Variants in CFAP47 observed in about 807,000 individuals in gnomAD.
CFAP47 encodes the protein cilia- and flagella-associated protein 47.
In CFAP47, 29 loss-of-function variants were observed where a neutral mutation model predicts 148.1. The ratio of observed to expected loss-of-function variants is 0.20; its 90% CI spans 0.15 to 0.27. CFAP47 has a LOEUF of 0.27. Among genes scored for constraint, CFAP47 ranks in the 10% least tolerant of loss-of-function variants. The probability of loss-of-function intolerance (pLI) is 1.00; values close to 1 mark genes in which losing one functional copy is unlikely to be tolerated. For missense variants in CFAP47, 1,872 were observed against 1,697.5 expected, an observed-to-expected ratio of 1.10 and a Z score of -1.81; for synonymous variants, 664 against 577.3, an observed-to-expected ratio of 1.15 and a Z score of -2.15.
intron 60 of CFAP47, among the ~76,000 whole-genome samples, chrX:36,356,548 A>G (rs1391474650): frequency 9.0e-6 from 1 of 110,978 alleles, no homozygotes; most frequent in Non-Finnish European, 1.9e-5. Flanking sequence ...CAAAATCTGT[A>G]ATTCTCTCTG....
intron 57 of CFAP47, among the ~76,000 whole-genome samples, chrX:36,340,657 G>A (rs782510470): frequency 7.1e-4 from 79 of 111,415 alleles, no homozygotes; most frequent in African/African-American, 2.5e-3. Flanking sequence ...ACTCTTTAAA[G>A]GCCTAACCTC....
chrX:36,226,857 G>A (rs1940275895), intron 45 of CFAP47, among the ~76,000 whole-genome samples: 1 of 111,566 alleles, frequency 9.0e-6, no homozygotes, highest in Non-Finnish European at 1.9e-5. Context: ...GCATTAAATA[G>A]CAAGAGGTTT....
intron 48 of CFAP47, among the ~76,000 whole-genome samples, chrX:36,242,471 T>A (rs1940557798): frequency 9.0e-6 from 1 of 111,622 alleles, no homozygotes; most frequent in African/African-American, 3.3e-5. Context: ...AAATAACCAT[T>A]TTAAGAAAAA....
At position 36,115,340 on chromosome X, in the gene CFAP47, G is replaced by T. The variant is rs1253644693; in HGVS notation, c.5320+10649G>T. Among the ~76,000 whole-genome samples, 3 of 111,637 alleles carry T rather than the reference G, an allele frequency of 2.7e-5. No homozygotes were observed. The East Asian group carries it at 8.5e-4, about 32-fold the overall frequency. On this transcript the variant is annotated intron_variant, in intron 33 of 63. Transcript: ENST00000378653. Reference sequence around the variant, plus strand: ...TATTTACTAAGTGGTTCTATGGTAAGCTCTTTACTCATATTATTTATCACA... The same window carrying T: ...TATTTACTAAGTGGTTCTATGGTAATCTCTTTACTCATATTATTTATCACA...
intron 57 of CFAP47, among the ~76,000 whole-genome samples, chrX:36,331,256 A>G (rs782142114): frequency 1.7e-4 from 19 of 110,930 alleles, no homozygotes; most frequent in Non-Finnish European, 2.5e-4. Context: ...TATTCACTTG[A>G]CTATTTTTTT....
intron 58 of CFAP47, among the ~76,000 whole-genome samples, chrX:36,349,261 T>A (rs1216532302): frequency 2.7e-5 from 3 of 111,692 alleles, no homozygotes; most frequent in Admixed American, 9.6e-5. Context: ...TAAATTTTTT[T>A]AATTAATTGA....
At chrX:36,107,729 C>CT (rs985926033) in intron 33 of CFAP47, among the ~76,000 whole-genome samples, 2 of 111,394 alleles carry the variant, frequency 1.8e-5, no homozygotes, top group African/African-American at 6.5e-5. Context: ...TCATCTTATA[C>CT]ATTCTCTCTT....
In CFAP47 at chrX:36,379,482, G is replaced by A; in HGVS notation, c.9318G>A (p.Met3106Ile). The part of the protein sequence containing the change: ...TLITVGFKPK[M>I]YCRKYKATLV... ...TCACTGTAGGATTTAAACCTAAAAT[G>A]TACTGTAGGAAATATAAAGCAACAT... Residue 3106 changes from methionine to isoleucine, a missense_variant, in exon 63 of 64, where the codon ATG becomes ATA. Transcript: ENST00000378653. 8.6e-7 allele frequency: 1 copy of A among 1,164,272 alleles called. No individual in the cohort carries two copies. Among genetic ancestry groups the A allele is most frequent in the African/African-American group, 1.8e-5 (1 of 56,252 alleles).
At chrX:35,978,731 G>A (rs1314012050) in intron 15 of CFAP47, among the ~76,000 whole-genome samples, 1 of 111,184 alleles carries the variant, frequency 9.0e-6, no homozygotes, top group Non-Finnish European at 1.9e-5. Flanking sequence ...ATTTCATATT[G>A]TTTTTACCAT....
chrX:36,231,955 G>C (rs1277793121), intron 46 of CFAP47, among the ~76,000 whole-genome samples: 1 of 111,350 alleles, frequency 9.0e-6, no homozygotes, highest in East Asian at 2.8e-4. Context: ...GCATCCCAGG[G>C]ATGAAGCCCA....
At chrX:35,973,116 C>T (rs901410919) in intron 13 of CFAP47, among the ~76,000 whole-genome samples, 1 of 112,170 alleles carries the variant, frequency 8.9e-6, no homozygotes. Flanking sequence ...TTTTCATGTA[C>T]TTACTTAGAG....
intron 27 of CFAP47, 83 bp from the exon 28 acceptor site, chrX:36,071,742 T>G (rs1166324676): frequency 4.8e-6 from 4 of 835,812 alleles, no homozygotes; most frequent in Non-Finnish European, 6.9e-6. Flanking sequence ...CAATAGATAA[T>G]AGATAAACTC....
chrX:36,284,335 G>A (rs782467339), intron 50 of CFAP47, among the ~76,000 whole-genome samples: 38 of 111,427 alleles, frequency 3.4e-4, no homozygotes, highest in African/African-American at 1.1e-3. Flanking sequence ...ATTCAACTGG[G>A]TCTTATTAAT....
chrX:36,375,679 A>G (rs142661014), intron 62 of CFAP47, among the ~76,000 whole-genome samples: 142 of 112,474 alleles, frequency 1.3e-3, no homozygotes, highest in African/African-American at 4.3e-3. Flanking sequence ...TAGCCTTGCT[A>G]AGAAGTTTGC....
intron 29 of CFAP47, among the ~76,000 whole-genome samples, chrX:36,081,621 A>G (rs991041887): frequency 2.7e-5 from 3 of 111,677 alleles, no homozygotes; most frequent in Non-Finnish European, 5.6e-5. Flanking sequence ...TGAATCCAGT[A>G]GCACATCAAA....
chrX:36,098,955 A>G, intron 31 of CFAP47, 81 bp downstream of exon 31: 1 of 430,882 alleles, frequency 2.3e-6, no homozygotes, highest in Non-Finnish European at 3.9e-6. Flanking sequence ...AGAATATTCT[A>G]CTTCAGACTG....
At chrX:36,362,995 G>A (rs186423051) in intron 61 of CFAP47, among the ~76,000 whole-genome samples, 1 of 111,444 alleles carries the variant, frequency 9.0e-6, no homozygotes, top group East Asian at 2.8e-4. Context: ...AGGGAACAAT[G>A]TTATTATTTG....
chrX:36,208,826 C>T (rs1212541846), intron 45 of CFAP47, among the ~76,000 whole-genome samples: 1 of 110,113 alleles, frequency 9.1e-6, no homozygotes, highest in Non-Finnish European at 1.9e-5. Flanking sequence ...ATTAGCCTGG[C>T]ATGGTGGCGG....
intron 45 of CFAP47, among the ~76,000 whole-genome samples, chrX:36,222,618 C>T (rs1940224605): frequency 9.1e-6 from 1 of 109,395 alleles, no homozygotes; most frequent in African/African-American, 3.3e-5. Flanking sequence ...GACCATATTA[C>T]AAAATTTCTA....
Sources: gnomAD v4.1 joint callset for allele counts (sites outside exome capture counted in the v4.1 genomes callset) on GRCh38, gnomAD v4.1.1 for gene constraint, MANE v1.5 for transcripts, NCBI Gene and HGNC (gene_info 2026-07-23, HGNC 2026-07-21) for gene names.